ANKRD42: variants seen among roughly 807,000 people sequenced by gnomAD.
ANKRD42 encodes the protein ankyrin repeat domain 42, also known as ankyrin repeat domain-containing protein 42.
Under a neutral mutation model 51.5 loss-of-function variants are expected in ANKRD42, and 43 were observed. The observed-to-expected ratio is 0.83, with a 90% CI of 0.65 to 1.08. The LOEUF (loss-of-function observed/expected upper bound fraction) is 1.08. Ranked by LOEUF, ANKRD42 falls within the 50% of genes least tolerant of loss-of-function variation. The probability of loss-of-function intolerance (pLI) is 0.00; values close to 1 mark genes in which losing one functional copy is unlikely to be tolerated. For synonymous variants in ANKRD42, 203 were observed against 213.0 expected, an observed-to-expected ratio of 0.95 and a Z score of 0.41; for missense variants, 608 against 629.3, an observed-to-expected ratio of 0.97 and a Z score of 0.36.
chr11:83,211,301 AG>A lies in ANKRD42; in HGVS notation c.458del (p.Ser153MetfsTer2). On this transcript the variant is annotated frameshift_variant, in exon 5 of 11. Coordinates refer to ENST00000533342, the MANE Select transcript of ANKRD42 (RefSeq NM_001300975.2). LOFTEE classifies it high-confidence loss of function. ...TTGTGAATGTTACCTCTAGGATCCC[AG>A]TGTGACTGATAAGAGAGAATGGAGA... is the stretch of plus-strand genomic sequence containing the variant. ...QIMLRSGVDP[S>X]VTDKREWRPV... is the part of the protein sequence containing the mutation. 1.2e-6 allele frequency: 2 copies of A among 1,614,202 alleles called. No homozygotes were observed. Among genetic ancestry groups the A allele is most frequent in the Non-Finnish European group, 1.7e-6 (2 of 1,180,028 alleles).
At chr11:83,209,524 A>G (rs982870332) in intron 3 of ANKRD42, 59 of 1,051,362 alleles carry the variant, frequency 5.6e-5, no homozygotes, top group Non-Finnish European at 8.4e-5. Flanking sequence ...CTGAATCTGA[A>G]TGGAGGAATC....
At chr11:83,246,559 G>A (rs1401712890) in intron 10 of ANKRD42, among the ~76,000 whole-genome samples, 1 of 152,216 alleles carries the variant, frequency 6.6e-6, no homozygotes, top group Non-Finnish European at 1.5e-5. Flanking sequence ...GGAGCAGAGA[G>A]AGACAGGAGA....
intron 5 of ANKRD42, among the ~76,000 whole-genome samples, chr11:83,212,500 C>G (rs1001540415): frequency 6.6e-6 from 1 of 152,150 alleles, no homozygotes. Context: ...TAGACTCCAC[C>G]TTCTTTAAAA....
At chr11:83,254,928 A>G (rs1164546521) in intron 11 of ANKRD42, among the ~76,000 whole-genome samples, 1 of 151,998 alleles carries the variant, frequency 6.6e-6, no homozygotes, top group African/African-American at 2.4e-5. Flanking sequence ...AGTTTATCCT[A>G]CTCTCAAGTT....
rs1339725411 is a variant in ANKRD42, at chr11:83,247,995, A to G, written c.1375A>G (p.Lys459Glu). 6 of 1,613,788 alleles carry G rather than the reference A, an allele frequency of 3.7e-6. No homozygotes were observed. The African/African-American group carries it at 8.0e-5, about 22-fold the overall frequency. The change falls in exon 11 of 11, where the codon AAA becomes GAA. Residue 459 changes from lysine (K) to glutamate (E), a missense_variant. By Grantham distance (56) the Lys-to-Glu change is moderately conservative. Transcript: ENST00000533342. ...GGAGTATGAACGACTACGTAGAGAA[A>G]AATTAGAATGTCAGCTTGATGAATA... ...QLEYERLRREKLECQLDEYRA... is the reference protein window; with the variant it reads ...QLEYERLRREELECQLDEYRA...
At chr11:83,200,969 TG>T (rs1043499260) in intron 2 of ANKRD42, among the ~76,000 whole-genome samples, 1 of 152,156 alleles carries the variant, frequency 6.6e-6, no homozygotes, top group African/African-American at 2.4e-5. Flanking sequence ...GCTTTGCACA[TG>T]CTGTTTCTTT....
chr11:83,201,726 T>A (rs1026255126), intron 2 of ANKRD42, among the ~76,000 whole-genome samples: 3 of 152,358 alleles, frequency 2.0e-5, no homozygotes, highest in African/African-American at 7.2e-5. Flanking sequence ...CTCATTGTAG[T>A]TTTGACTTGC....
chr11:83,197,087 G>A (rs1861688453), intron 1 of ANKRD42, among the ~76,000 whole-genome samples: 1 of 152,216 alleles, frequency 6.6e-6, no homozygotes, highest in Admixed American at 6.5e-5. Context: ...AAAGGTGTGT[G>A]TGTGTGTATG....
intron 10 of ANKRD42, among the ~76,000 whole-genome samples, chr11:83,246,221 A>G (rs1310000972): frequency 6.6e-6 from 1 of 152,212 alleles, no homozygotes; most frequent in Non-Finnish European, 1.5e-5. Flanking sequence ...TGTGTTGAAC[A>G]TTTGTAGACT....
chr11:83,244,284 A>C (rs1453470482), intron 9 of ANKRD42, among the ~76,000 whole-genome samples: 1 of 152,144 alleles, frequency 6.6e-6, no homozygotes, highest in Non-Finnish European at 1.5e-5. Context: ...CCTGGCCGAG[A>C]ACCTTTTATT....
In ANKRD42 at chr11:83,206,153, T is replaced by A; in HGVS notation, c.318T>A (p.Asp106Glu). ...ACATAGCTGCAATCAGGGGTCAGGA[T>A]GCTTGTGTACAGGTAATAATATTAC... ...ASHIAAIRGQ[D>E]ACVQALIMNG... is the part of the protein sequence containing the mutation. The change falls in exon 3 of 11, where the codon GAT (aspartate) becomes GAA (glutamate). Residue 106 changes from aspartate to glutamate, a missense_variant. Transcript: ENST00000533342. 6.2e-7 allele frequency: 1 copy of A among 1,613,160 alleles called. No individual in the cohort carries two copies. The highest frequency in any genetic ancestry group is 8.5e-7 in the Non-Finnish European group (1 of 1,179,074).
At chr11:83,219,228 C>T (rs141906721) in intron 5 of ANKRD42, among the ~76,000 whole-genome samples, 7 of 152,322 alleles carry the variant, frequency 4.6e-5, no homozygotes, top group East Asian at 3.9e-4. Context: ...TTCCATCTAC[C>T]GGATTTAACC....
downstream of ANKRD42, among the ~76,000 whole-genome samples, chr11:83,249,908 T>C (rs1391036456): frequency 6.6e-6 from 1 of 152,224 alleles, no homozygotes; most frequent in Non-Finnish European, 1.5e-5. Context: ...GAATATTGTG[T>C]AGAAATCCTG....
chr11:83,261,188 T>C (rs1398146024), downstream of ANKRD42: 3 of 152,154 alleles, frequency 2.0e-5, no homozygotes, highest in Non-Finnish European at 2.9e-5. Flanking sequence ...TGCCTCAGCC[T>C]CCCGAGTAGC....
At chr11:83,249,682 G>A (rs642123), downstream of ANKRD42, among the ~76,000 whole-genome samples, 39,963 of 152,004 alleles carry the variant, frequency 0.26, 5,430 homozygotes, top group Middle Eastern at 0.41. Flanking sequence ...CAGGAGAGCT[G>A]TCTCAAGGTC....
At chr11:83,215,405 C>T in intron 5 of ANKRD42, among the ~76,000 whole-genome samples, 1 of 152,002 alleles carries the variant, frequency 6.6e-6, no homozygotes, top group East Asian at 1.9e-4. Flanking sequence ...TCTTTATACT[C>T]TGTGCCTTTT....
chr11:83,201,621 A>G (rs945100301), intron 2 of ANKRD42, among the ~76,000 whole-genome samples: 2 of 152,236 alleles, frequency 1.3e-5, no homozygotes, highest in Non-Finnish European at 2.9e-5. Context: ...TCCCACCAAC[A>G]GTGTAAAAGA....
At chr11:83,204,797 T>TA (rs1354437840) in intron 2 of ANKRD42, among the ~76,000 whole-genome samples, 1 of 152,112 alleles carries the variant, frequency 6.6e-6, no homozygotes, top group African/African-American at 2.4e-5. Context: ...AACCAGATTA[T>TA]ATAAGGAACT....
intron 3 of ANKRD42, 29 bp from the exon 4 acceptor site, chr11:83,210,271 T>C: frequency 6.2e-7 from 1 of 1,606,680 alleles, no homozygotes; most frequent in Non-Finnish European, 8.5e-7. Context: ...TATACTCATG[T>C]AAAGTCTTTC....
Sources: allele counts gnomAD v4.1 joint callset (sites outside exome capture counted in the v4.1 genomes callset), GRCh38; gene constraint gnomAD v4.1.1; transcripts MANE v1.5; gene names NCBI Gene and HGNC (gene_info 2026-07-23, HGNC 2026-07-21).